Variants in SOX5 observed in about 807,000 individuals in gnomAD.
SOX5 encodes transcription factor SOX-5.
SOX5 carries 9 observed loss-of-function variants against 92.0 expected under a neutral mutation model. The observed-to-expected ratio is 0.10, with a 90% CI of 0.06 to 0.17. SOX5 has a LOEUF of 0.17. SOX5 is among the 10% of genes least tolerant of loss of function. The pLI is 1.00. For missense variants in SOX5, 642 were observed against 944.5 expected (o/e 0.68, Z 4.20); for synonymous variants, 344 against 336.3 (o/e 1.02, Z -0.25).
intron 3 of SOX5, among the ~76,000 whole-genome samples, chr12:24,263,546 A>AAAAAAAAAAAAAAAAAAG (rs1942547367): frequency 6.9e-6 from 1 of 145,824 alleles, no homozygotes; most frequent in Admixed American, 6.7e-5. Flanking sequence ...AAAAACAAAA[A>AAAAAAAAAAAAAAAAAAG]AAAAAACAAA....
intron 2 of SOX5, among the ~76,000 whole-genome samples, chr12:23,854,598 G>T (rs1476125390): frequency 6.6e-6 from 1 of 151,872 alleles, no homozygotes; most frequent in Non-Finnish European, 1.5e-5. Context: ...TTTTAAAAAG[G>T]AAATATTATT....
intron 4 of SOX5, among the ~76,000 whole-genome samples, chr12:24,197,647 T>C (rs1417038840): frequency 6.6e-6 from 1 of 152,168 alleles, no homozygotes; most frequent in African/African-American, 2.4e-5. Context: ...TGCTTTGTGC[T>C]TCTCCCACTT....
rs141036486 is a variant in SOX5 at position 23,961,323 on chromosome 12, T to C, written c.-1-65299A>G. Among the ~76,000 whole-genome samples, 16 of 152,280 alleles carry C rather than the reference T, an allele frequency of 1.1e-4. 1 individual carries two copies. In the East Asian group the frequency reaches 3.1e-3, roughly 29 times the overall value. On this transcript the variant is annotated intron_variant, in intron 4 of 4. Coordinates refer to the SOX5 transcript ENST00000446891. ...CAAGTTTGGGAGGTGAAAACTGACA[T>C]TATAAATCAAAACTGCTTAAAACAT... is the stretch of plus-strand genomic sequence containing the variant.
intron 6 of SOX5, among the ~76,000 whole-genome samples, chr12:23,705,140 C>T (rs1231513736): frequency 1.3e-5 from 2 of 151,946 alleles, no homozygotes; most frequent in Non-Finnish European, 2.9e-5. Flanking sequence ...AGTTTGGTAA[C>T]TTTCAAATCT....
At chr12:24,032,706 A>G (rs1284761112) in intron 4 of SOX5, among the ~76,000 whole-genome samples, 1 of 151,916 alleles carries the variant, frequency 6.6e-6, no homozygotes, top group African/African-American at 2.4e-5. Context: ...TCGGTGGGAA[A>G]TATAAGTGAA....
intron 4 of SOX5, among the ~76,000 whole-genome samples, chr12:24,166,617 T>C (rs1953442320): frequency 6.6e-6 from 1 of 152,204 alleles, no homozygotes; most frequent in Non-Finnish European, 1.5e-5. Flanking sequence ...TTCTTTCTCA[T>C]TGATATTTGC....
At chr12:24,150,226 C>A (rs1951517932) in intron 4 of SOX5, among the ~76,000 whole-genome samples, 1 of 152,102 alleles carries the variant, frequency 6.6e-6, no homozygotes, top group Non-Finnish European at 1.5e-5. Flanking sequence ...ATGCTCCTTG[C>A]AACCTGGATT....
chr12:24,181,932 C>T (rs995793939), intron 4 of SOX5, among the ~76,000 whole-genome samples: 11 of 152,254 alleles, frequency 7.2e-5, no homozygotes, highest in South Asian at 2.1e-4. Flanking sequence ...CATTTTTCAT[C>T]TCCATGTGTA....
intron 1 of SOX5, among the ~76,000 whole-genome samples, chr12:23,918,788 A>T (rs868236264): frequency 1.3e-5 from 2 of 151,986 alleles, no homozygotes; most frequent in East Asian, 3.9e-4. Context: ...GTGGTGGCAC[A>T]TGCCTGTAAT....
At chr12:24,015,078 CTCTCTT>C (rs1953436364) in intron 4 of SOX5, among the ~76,000 whole-genome samples, 1 of 152,060 alleles carries the variant, frequency 6.6e-6, no homozygotes, top group Non-Finnish European at 1.5e-5. Flanking sequence ...TTCCCTCTCT[CTCTCTT>C]TCTCTTTCTG....
intron 5 of SOX5, among the ~76,000 whole-genome samples, chr12:23,735,330 T>C (rs1313821922): frequency 6.6e-6 from 1 of 152,182 alleles, no homozygotes; most frequent in Non-Finnish European, 1.5e-5. Flanking sequence ...GCCAATCACA[T>C]GCATTATTTT....
At chr12:24,422,182 A>G (rs1200427474) in intron 1 of SOX5, among the ~76,000 whole-genome samples, 1 of 152,222 alleles carries the variant, frequency 6.6e-6, no homozygotes. Context: ...TCATTGCTGT[A>G]GTTTCACCCA....
intron 2 of SOX5, among the ~76,000 whole-genome samples, chr12:23,865,481 T>C (rs1026436462): frequency 6.6e-5 from 10 of 152,050 alleles, no homozygotes; most frequent in Admixed American, 3.3e-4. Flanking sequence ...CAAGACCACC[T>C]TGGCTAACAT....
At chr12:23,720,977 G>C (rs2092783357) in intron 6 of SOX5, among the ~76,000 whole-genome samples, 1 of 152,040 alleles carries the variant, frequency 6.6e-6, no homozygotes, top group South Asian at 2.1e-4. Context: ...TAGGACTTGG[G>C]GATGGCCCTT....
At chr12:23,890,247 G>A (rs1003572783) in intron 2 of SOX5, among the ~76,000 whole-genome samples, 4 of 151,654 alleles carry the variant, frequency 2.6e-5, no homozygotes, top group Non-Finnish European at 4.4e-5. Context: ...TTGAATGTGG[G>A]AGGCGGAAGT....
intron 1 of SOX5, among the ~76,000 whole-genome samples, chr12:24,432,760 C>A (rs1051808677): frequency 2.6e-5 from 4 of 152,040 alleles, no homozygotes; most frequent in Non-Finnish European, 4.4e-5. Flanking sequence ...TGCAGTGAGC[C>A]AAGATCGCAC....
At chr12:24,521,347 A>C (rs904901898) in intron 1 of SOX5, among the ~76,000 whole-genome samples, 2 of 152,176 alleles carry the variant, frequency 1.3e-5, no homozygotes, top group African/African-American at 4.8e-5. Context: ...GAGCCACCAC[A>C]CCTGGCCAAT....
chr12:23,803,834 GAC>G (rs2095708981), intron 3 of SOX5, among the ~76,000 whole-genome samples: 1 of 152,108 alleles, frequency 6.6e-6, no homozygotes. Context: ...AATTTGAAAA[GAC>G]ACATGAACCG....
At chr12:24,149,431 T>C (rs905940227) in intron 4 of SOX5, among the ~76,000 whole-genome samples, 2 of 152,154 alleles carry the variant, frequency 1.3e-5, no homozygotes, top group Non-Finnish European at 2.9e-5. Flanking sequence ...GACATGGAGA[T>C]GGCAAATAAG....
Sources: allele counts gnomAD v4.1 joint callset (sites outside exome capture counted in the v4.1 genomes callset), GRCh38; gene constraint gnomAD v4.1.1; transcripts MANE v1.5; gene names NCBI Gene and HGNC (gene_info 2026-07-23, HGNC 2026-07-21).